Variants in DNAH1 observed in about 807,000 individuals in gnomAD.
DNAH1 encodes the protein axonemal beta dynein heavy chain 1.
A neutral mutation model predicts 484.3 loss-of-function variants in DNAH1; 327 were observed. The observed-to-expected ratio is 0.68, with a 90% CI of 0.62 to 0.74. DNAH1 has a LOEUF of 0.74. Ranked by LOEUF, DNAH1 falls within the 30% of genes least tolerant of loss-of-function variation. DNAH1 has a pLI of 0.00. For missense variants in DNAH1, 5,052 were observed against 5,546.8 expected (o/e 0.91, Z 2.83); for synonymous variants, 2,192 against 2,191.9 (o/e 1.00, Z 0.00).
Position 52,395,165 on chromosome 3 carries a change from C to T in DNAH1, c.10968+106C>T, listed in dbSNP as rs897323728. 33 of 1,500,748 alleles carry T rather than the reference C, an allele frequency of 2.2e-5. No homozygotes were observed. In the Admixed American group the frequency reaches 6.5e-4, roughly 30 times the overall value. 93.0% of individuals were successfully genotyped at this position (1,500,748 alleles called of 1,614,324 possible). ...AGACTACTTGGCCAGGCCAGGACCC[C>T]TGCTTGCTCCCTAAAGGCTCTGAGG... On this transcript the variant is annotated intron_variant, in intron 68 of 77. Transcript: ENST00000420323. The surrounding 1 kb of genome is among the most constrained non-coding windows in gnomAD (Gnocchi z 4.4).
chr3:52,394,657 C>G lies in DNAH1; in HGVS notation c.10819C>G (p.His3607Asp), dbSNP rs763678556. 3 of 1,565,104 alleles carry G rather than the reference C, an allele frequency of 1.9e-6. No individual in the cohort carries two copies. The highest frequency in any genetic ancestry group is 1.8e-5 in the Admixed American group (1 of 57,102). The change falls in exon 67 of 78, where the codon CAC becomes GAC. Residue 3607 changes from histidine (H) to aspartate (D), a missense_variant. Around this residue, in one of 4 missense-constraint regions of DNAH1, gnomAD observed 853 missense variants for 899.0 expected, o/e 0.95. Transcript: ENST00000420323. ...GGTCATCTTCGACAGCCTTGAGCCC[C>G]ACCGGTTAGCTGGGCCCCAGAATAT... is the stretch of plus-strand genomic sequence containing the variant. ...FRVIFDSLEP[H>D]REPLPGIWDQ...
rs1339631707 is a variant in DNAH1 at position 52,383,439 on chromosome 3, C to T, written c.7995C>T (p.Asp2665=). 1 of 1,614,028 alleles carries T rather than the reference C, an allele frequency of 6.2e-7. No individual in the cohort carries two copies. The highest frequency in any genetic ancestry group is 8.5e-7 in the Non-Finnish European group (1 of 1,179,882). Residue 2665 remains aspartate (D), a synonymous_variant, in exon 51 of 78, where the codon GAC becomes GAT. Transcript: ENST00000420323. The part of the protein sequence containing the change: ...EDINNVLNSG[D]IPNLYTADEQ... ...TCAACAACGTCCTAAACTCTGGTGA[C>T]ATTCCCAATCTGTATACTGCGGACG...
At chr3:52,327,803 C>A in intron 5 of DNAH1, 79 bp from the exon 6 acceptor site, 2 of 1,558,448 alleles carry the variant, frequency 1.3e-6, no homozygotes, top group East Asian at 2.3e-5. Flanking sequence ...TTAGGCACCC[C>A]ATCCTTTGGC....
chr3:52,330,697 T>G (rs1701512162), intron 6 of DNAH1, among the ~76,000 whole-genome samples: 1 of 152,176 alleles, frequency 6.6e-6, no homozygotes, highest in African/African-American at 2.4e-5. Flanking sequence ...TGCCCTGTTC[T>G]CAGATGAGGG....
chr3:52,399,602 C>T lies in DNAH1; in HGVS notation c.12499C>T (p.His4167Tyr). The change falls in exon 77 of 78, where the codon CAT (histidine) becomes TAT (tyrosine). Residue 4167 changes from histidine (H) to tyrosine (Y), a missense_variant. Around this residue, in one of 4 missense-constraint regions of DNAH1, gnomAD observed 853 missense variants for 899.0 expected, o/e 0.95. Coordinates refer to ENST00000420323, the MANE Select transcript of DNAH1 (RefSeq NM_015512.5). ...TQRPQVGCYIHGLFLEGARWD... is the reference protein window; with the variant it reads ...TQRPQVGCYIYGLFLEGARWD... ...AAGACCCCAAGTAGGGTGCTATATC[C>T]ATGGATTATTCCTGGAAGGTGCCCG... 1 of 1,613,992 alleles carries T rather than the reference C, an allele frequency of 6.2e-7. No homozygotes were observed. Among genetic ancestry groups the T allele is most frequent in the Non-Finnish European group, 8.5e-7 (1 of 1,179,884 alleles).
In DNAH1 at chr3:52,364,868, C is replaced by T. The variant is rs376060763; in HGVS notation, c.5367C>T (p.Asn1789=). The T allele has an allele frequency of 7.4e-6, 12 of 1,613,836 alleles. 1 individual carries two copies. Among genetic ancestry groups the T allele is most frequent in the East Asian group, 6.7e-5 (3 of 44,896 alleles). ...GCCTCCGGGCCATCCGTGATGTGAA[C>T]GTGCCCAAGTTCCTGCAGGAGGACC... ...LICLRAIRDV[N]VPKFLQEDLK... Residue 1789 remains asparagine, a synonymous_variant, in exon 34 of 78, where the codon AAC becomes AAT. Coordinates refer to ENST00000420323, the MANE Select transcript of DNAH1 (RefSeq NM_015512.5). This position sits in a 1 kb window ranked among gnomAD's most constrained non-coding sequence, Gnocchi z 4.2.
In DNAH1 at chr3:52,378,702, G is replaced by A. The variant is rs201424464; in HGVS notation, c.7299G>A (p.Lys2433=). ...ITSQLLPTPA[K]SHYTFNLRDL... ...CCCAGCTGCTGCCCACTCCAGCCAA[G>A]TCCCACTACACCTTCAACCTGAGGG... Residue 2433 remains lysine, a synonymous_variant, in exon 47 of 78, where the codon AAG becomes AAA. Transcript: ENST00000420323. 1.2e-6 allele frequency: 2 copies of A among 1,613,810 alleles called. No homozygotes were observed. Among genetic ancestry groups the A allele is most frequent in the African/African-American group, 2.7e-5 (2 of 75,012 alleles).
rs1465148980 is a variant in DNAH1, at chr3:52,359,317, C to G, written c.4338C>G (p.Thr1446=). 1 of 1,569,714 alleles carries G rather than the reference C, an allele frequency of 6.4e-7. No homozygotes were observed. The highest frequency in any genetic ancestry group is 8.6e-7 in the Non-Finnish European group (1 of 1,156,632). ...TCGCTGGGTGCCAGACCTACTGGAC[C>G]ATGGAGGTGGCAGAGGCTCTGGAGG... ...VTIAGCQTYW[T]MEVAEALEAG... The change falls in exon 26 of 78, where the codon ACC becomes ACG. Residue 1446 remains threonine, a synonymous_variant. Transcript: ENST00000420323.
intron 46 of DNAH1, among the ~76,000 whole-genome samples, chr3:52,378,174 C>A (rs535913483): frequency 1.3e-5 from 2 of 151,874 alleles, no homozygotes; most frequent in Admixed American, 1.3e-4. Context: ...CCCTCAAGGT[C>A]GGGGGTGTGC....
chr3:52,357,166 C>G (rs57172722), intron 22 of DNAH1, among the ~76,000 whole-genome samples: 7,948 of 151,860 alleles, frequency 0.052, 421 homozygotes, highest in Admixed American at 0.16. Flanking sequence ...GTAATCCTGT[C>G]TTAGCCTACC....
intron 16 of DNAH1, among the ~76,000 whole-genome samples, chr3:52,351,492 T>TCCCCCACGACCA (rs1343197905): frequency 2.8e-4 from 43 of 152,334 alleles, no homozygotes; most frequent in African/African-American, 9.4e-4. Context: ...CTAGGCCAGC[T>TCCCCCACGACCA]GCAGGTGGAA....
At chr3:52,326,993 A>T (rs528793218) in intron 5 of DNAH1, 102 bp downstream of exon 5, 1 of 1,401,648 alleles carries the variant, frequency 7.1e-7, no homozygotes, top group Non-Finnish European at 9.6e-7. Flanking sequence ...CCCACCAGTC[A>T]CCAGCACACT....
rs1212851851 is a variant in DNAH1 at position 52,356,794 on chromosome 3, G to A, written c.3858+16G>A. On this transcript the variant is annotated intron_variant, in intron 22 of 77. Coordinates refer to ENST00000420323, the MANE Select transcript of DNAH1 (RefSeq NM_015512.5). The stretch of plus-strand genomic sequence containing the variant: ...GAACCGGGAGGCAAGCTCAATGAGG[G>A]TGGGAGGGGCAGCTGGGATCCCCAA... The A allele has an allele frequency of 6.3e-7, 1 of 1,587,012 alleles. No homozygotes were observed. Among genetic ancestry groups the A allele is most frequent in the South Asian group, 1.1e-5 (1 of 88,000 alleles).
chr3:52,358,030 G>A lies in DNAH1; in HGVS notation c.4086+27G>A, dbSNP rs957592092. ...TGGGCAGCTGGGCCCGGGGCTCAGG[G>A]CTGGGAGCATGGGGCATCTTCCCAG... is the stretch of plus-strand genomic sequence containing the variant. On this transcript the variant is annotated intron_variant, in intron 24 of 77. Coordinates refer to ENST00000420323, the MANE Select transcript of DNAH1 (RefSeq NM_015512.5). This position sits in a 1 kb window ranked among gnomAD's most constrained non-coding sequence, Gnocchi z 4.2. 9.0e-6 allele frequency: 14 copies of A among 1,551,674 alleles called. No individual in the cohort carries two copies. The highest frequency in any genetic ancestry group is 1.2e-5 in the Non-Finnish European group (14 of 1,140,206).
intron 55 of DNAH1, 100 bp from the exon 56 acceptor site, chr3:52,386,562 A>G: frequency 1.5e-6 from 2 of 1,344,080 alleles, no homozygotes; most frequent in Non-Finnish European, 2.0e-6. Flanking sequence ...GTCCTGTGGT[A>G]GTAGAGACTT....
chr3:52,351,734 C>T (rs1050596995), intron 16 of DNAH1, among the ~76,000 whole-genome samples: 1 of 152,224 alleles, frequency 6.6e-6, no homozygotes, highest in Admixed American at 6.5e-5. Context: ...ATGCAGACTG[C>T]AGCTCCCAGG....
chr3:52,344,431 G>T (rs1400893336), intron 8 of DNAH1, 59 bp from the exon 9 acceptor site: 2 of 1,578,040 alleles, frequency 1.3e-6, no homozygotes. Context: ...CTTGGGCCCC[G>T]GCTGGGGTTC....
intron 66 of DNAH1, 108 bp downstream of exon 66, chr3:52,393,593 G>A: frequency 6.8e-7 from 1 of 1,479,586 alleles, no homozygotes; most frequent in South Asian, 1.2e-5. Flanking sequence ...CACCGCGAGA[G>A]CAAAGTGGCA....
intron 20 of DNAH1, among the ~76,000 whole-genome samples, chr3:52,354,591 C>CCACT (rs2153224111): frequency 6.6e-6 from 1 of 151,856 alleles, no homozygotes; most frequent in East Asian, 1.9e-4. Flanking sequence ...CAAGATTGTG[C>CCACT]CACTGCACTC....
Sources: gnomAD v4.1 joint callset for allele counts (sites outside exome capture counted in the v4.1 genomes callset) on GRCh38, gnomAD v4.1.1 for gene constraint, gnomAD v4.1.1 regional missense constraint, Gnocchi (gnomAD v3.1) non-coding constraint, MANE v1.5 for transcripts, NCBI Gene and HGNC (gene_info 2026-07-23, HGNC 2026-07-21) for gene names.